The following PCSK5 variants were observed in gnomAD, a reference collection of about 807,000 sequenced individuals.
PCSK5 encodes prohormone convertase 5.
Under a neutral mutation model 233.2 loss-of-function variants are expected in PCSK5, and 129 were observed. The observed-to-expected ratio is 0.55, with a 90% CI of 0.48 to 0.64. PCSK5 has a LOEUF of 0.64. Among genes scored for constraint, PCSK5 ranks in the 30% least tolerant of loss-of-function variants. The pLI is 0.00. For missense variants in PCSK5, 2,076 were observed against 2,430.1 expected (o/e 0.85, Z 3.06); for synonymous variants, 825 against 879.2 (o/e 0.94, Z 1.09).
chr9:76,327,258 C>T (rs901497792), intron 32 of PCSK5, among the ~76,000 whole-genome samples: 7 of 152,086 alleles, frequency 4.6e-5, no homozygotes, highest in Non-Finnish European at 8.8e-5. Context: ...AGGCACCCGC[C>T]ACCATGCCCA....
chr9:76,237,677 G>A (rs1425110808), intron 22 of PCSK5, among the ~76,000 whole-genome samples: 1 of 152,058 alleles, frequency 6.6e-6, no homozygotes, highest in African/African-American at 2.4e-5. Flanking sequence ...TTGAAAGGCT[G>A]AGGCGGGAGG....
chr9:76,148,276 C>G (rs1823530117), intron 10 of PCSK5, among the ~76,000 whole-genome samples: 1 of 150,848 alleles, frequency 6.6e-6, no homozygotes, highest in African/African-American at 2.4e-5. Flanking sequence ...TTCTTTTCTC[C>G]CTTTCTTTAA....
intron 20 of PCSK5, among the ~76,000 whole-genome samples, chr9:76,220,146 A>G (rs1825677683): frequency 6.6e-6 from 1 of 152,224 alleles, no homozygotes; most frequent in Non-Finnish European, 1.5e-5. Flanking sequence ...ATGGATTCCC[A>G]TCCACCAACA....
intron 17 of PCSK5, among the ~76,000 whole-genome samples, chr9:76,188,269 A>T (rs950142475): frequency 6.6e-6 from 1 of 151,968 alleles, no homozygotes; most frequent in African/African-American, 2.4e-5. Context: ...ATACTTTTTA[A>T]AACCTCTGGG....
Position 75,932,341 on chromosome 9 carries a change from C to A in PCSK5, c.193-38C>A, listed in dbSNP as rs762989801. 3.2e-6 allele frequency: 4 copies of A among 1,269,512 alleles called. No individual in the cohort carries two copies. In the South Asian group the frequency reaches 3.8e-5, roughly 12 times the overall value. The allele number at this position is 1,269,512 out of a possible 1,614,324, so 78.6% of individuals were successfully genotyped here. A position where few individuals can be genotyped will look rare whatever the true frequency, so the allele number is the denominator to read the frequency against. ...GAAGACGGTTTTCACACATTAATGT[C>A]TTTTTTTTGTTCTTTCCTTCCCACC... On this transcript the variant is annotated intron_variant, in intron 1 of 37. Coordinates refer to ENST00000674117, the MANE Select transcript of PCSK5 (RefSeq NM_001372043.1).
At chr9:76,318,030 A>G (rs969541708) in intron 30 of PCSK5, among the ~76,000 whole-genome samples, 11 of 152,182 alleles carry the variant, frequency 7.2e-5, no homozygotes, top group Non-Finnish European at 1.5e-4. Flanking sequence ...ATAGAAAGCA[A>G]TTGGAATAGG....
chr9:76,183,629 A>G (rs1192505877), intron 16 of PCSK5, among the ~76,000 whole-genome samples: 1 of 152,230 alleles, frequency 6.6e-6, no homozygotes, highest in East Asian at 1.9e-4. Context: ...CAGTGTTCTC[A>G]ATGAGACAGT....
chr9:76,082,443 T>A (rs1332554343), intron 7 of PCSK5, among the ~76,000 whole-genome samples: 2 of 152,240 alleles, frequency 1.3e-5, no homozygotes, highest in African/African-American at 4.8e-5. Flanking sequence ...TCTTTGTTCA[T>A]TCATTTATTC....
chr9:76,209,455 T>G (rs1405836171), intron 20 of PCSK5: 7 of 495,636 alleles, frequency 1.4e-5, no homozygotes, highest in Non-Finnish European at 2.0e-5. Flanking sequence ...AGGAAGGAGA[T>G]CTGTGTTTTG....
intron 2 of PCSK5, among the ~76,000 whole-genome samples, chr9:75,983,888 C>T (rs552713515): frequency 2.6e-5 from 4 of 152,240 alleles, no homozygotes; most frequent in African/African-American, 4.8e-5. Context: ...AGAAACCTTC[C>T]GATCCAAGAG....
At chr9:76,070,842 C>A (rs767187438) in intron 6 of PCSK5, among the ~76,000 whole-genome samples, 2 of 152,010 alleles carry the variant, frequency 1.3e-5, no homozygotes, top group Non-Finnish European at 2.9e-5. Context: ...CTACTGATGA[C>A]AAGGTTTTCC....
chr9:76,214,239 G>T (rs893232373), intron 20 of PCSK5, among the ~76,000 whole-genome samples: 15 of 151,958 alleles, frequency 9.9e-5, no homozygotes, highest in African/African-American at 3.6e-4. Context: ...AATAGTTCCA[G>T]ATTACATGAT....
chr9:76,354,320 T>C, intron 37 of PCSK5, 101 bp downstream of exon 37: 1 of 887,250 alleles, frequency 1.1e-6, no homozygotes, highest in Non-Finnish European at 1.7e-6. Context: ...AGAATCAATA[T>C]GGCTACCTTT....
rs559163692 is a variant in PCSK5 at position 75,975,600 on chromosome 9, A to G, written c.298-10532A>G. ...TTGATATACAACTTGAGGGCATCCA[A>G]TTTTTGCAAATACAGATCTGGGAAT... is the stretch of plus-strand genomic sequence containing the variant. On this transcript the variant is annotated intron_variant, in intron 2 of 37. Coordinates refer to ENST00000674117, the MANE Select transcript of PCSK5 (RefSeq NM_001372043.1). Among the ~76,000 whole-genome samples the G allele has an allele frequency of 3.3e-5, 5 of 152,228 alleles. No individual in the cohort carries two copies. The East Asian group carries it at 9.6e-4, about 29-fold the overall frequency.
At chr9:75,908,981 ATC>A in intron 1 of PCSK5, among the ~76,000 whole-genome samples, 1 of 133,850 alleles carries the variant, frequency 7.5e-6, no homozygotes, top group East Asian at 2.2e-4. Context: ...CTATCTATCT[ATC>A]TATCTATCCG....
intron 7 of PCSK5, among the ~76,000 whole-genome samples, chr9:76,090,980 G>A (rs1012544772): frequency 6.6e-6 from 1 of 151,846 alleles, no homozygotes; most frequent in Non-Finnish European, 1.5e-5. Context: ...AGAGGTTCGA[G>A]CGCCTGTGAG....
At chr9:76,247,846 G>A (rs765742368) in intron 24 of PCSK5, among the ~76,000 whole-genome samples, 1 of 151,562 alleles carries the variant, frequency 6.6e-6, no homozygotes, top group Non-Finnish European at 1.5e-5. Context: ...GTGCAACGGC[G>A]TGATCTTGGC....
intron 35 of PCSK5, among the ~76,000 whole-genome samples, chr9:76,345,906 G>C (rs2131510144): frequency 6.6e-6 from 1 of 152,064 alleles, no homozygotes; most frequent in Admixed American, 6.5e-5. Flanking sequence ...TTTTAGTAGA[G>C]ACACGGTTTC....
At position 76,169,743 on chromosome 9, in the gene PCSK5, G is replaced by C. The variant is rs776338330; in HGVS notation, c.1659G>C (p.Glu553Asp). 6.2e-7 allele frequency: 1 copy of C among 1,613,408 alleles called. No individual in the cohort carries two copies. The highest frequency in any genetic ancestry group is 8.5e-7 in the Non-Finnish European group (1 of 1,179,374). Residue 553 changes from glutamate to aspartate, a missense_variant, in exon 13 of 38, where the codon GAG becomes GAC. Physicochemically the swap from Glu to Asp is conservative, Grantham distance 45. This residue lies in a region of PCSK5 where 50 missense variants were observed against 104.7 expected (regional missense o/e 0.48). Transcript: ENST00000674117. ...CCATGGAAGGATTCAAAAACTGGGA[G>C]TTCATGACCATTCATTGCTGGGGAG... is the stretch of plus-strand genomic sequence containing the variant. ...DHSMEGFKNW[E>D]FMTIHCWGER...
Sources: allele counts gnomAD v4.1 joint callset (sites outside exome capture counted in the v4.1 genomes callset), GRCh38; gene constraint gnomAD v4.1.1; regional missense constraint gnomAD v4.1.1; transcripts MANE v1.5; gene names NCBI Gene and HGNC (gene_info 2026-07-23, HGNC 2026-07-21).